The following TGM7 variants were observed in gnomAD, a reference collection of about 807,000 sequenced individuals.
The protein encoded by TGM7 is transglutaminase 7.
In TGM7, 74 loss-of-function variants were observed where a neutral mutation model predicts 79.5. That is an observed-to-expected ratio of 0.93 (90% CI 0.77 to 1.13). The LOEUF (loss-of-function observed/expected upper bound fraction) is 1.13, where lower values mean the gene tolerates loss of function less well. TGM7 is among the 50% of genes most tolerant of loss of function. The pLI is 0.00. For synonymous variants in TGM7, 354 were observed against 362.5 expected (o/e 0.98, Z 0.27); for missense variants, 912 against 905.9 (o/e 1.01, Z -0.09).
intron 1 of TGM7, chr15:43,302,005 G>A (rs898695569): frequency 5.2e-6 from 3 of 579,896 alleles, no homozygotes; most frequent in South Asian, 2.1e-5. Flanking sequence ...AGCCCCCCAG[G>A]TTTTAAAGAA....
intron 4 of TGM7, among the ~76,000 whole-genome samples, chr15:43,290,067 A>C (rs1328883076): frequency 1.3e-5 from 2 of 152,048 alleles, no homozygotes; most frequent in African/African-American, 2.4e-5. Flanking sequence ...TCTTTAGTTT[A>C]ATTAGATCCC....
chr15:43,282,086 C>T lies in TGM7; in HGVS notation c.1109G>A (p.Gly370Glu), dbSNP rs2042912520. 6 of 1,613,752 alleles carry T rather than the reference C, an allele frequency of 3.7e-6. No homozygotes were observed. Among genetic ancestry groups the T allele is most frequent in the Admixed American group, 1.7e-5 (1 of 60,006 alleles). ...AGAGGCAGGGCCACAGCAGAACAGCCCTGTGGAGGCAACAGGCTACTGATA... is the reference window on the plus strand; with the variant it reads ...AGAGGCAGGGCCACAGCAGAACAGCTCTGTGGAGGCAACAGGCTACTGATA... The part of the protein sequence containing the change: ...LDPTPQQTSS[G>E]LFCCGPASVK... Residue 370 changes from glycine to glutamate, a missense_variant and splice_region_variant, in exon 9 of 13, where the codon GGG becomes GAG. Transcript: ENST00000452443.
At position 43,278,099 on chromosome 15, in the gene TGM7, G is replaced by T. The variant is rs527973550; in HGVS notation, c.1839+1018C>A. The stretch of plus-strand genomic sequence containing the variant: ...AGCTGGCCCGACAGCCTGACAGTGT[G>T]CCTGGGTGAAAACCCTGGGGTAGGC... On this transcript the variant is annotated intron_variant, in intron 11 of 12. Transcript: ENST00000452443. Among the ~76,000 whole-genome samples the T allele has an allele frequency of 5.9e-5, 9 of 152,372 alleles. No homozygotes were observed. In the East Asian group the frequency reaches 1.5e-3, roughly 26 times the overall value.
At chr15:43,302,180 A>G in intron 1 of TGM7, 61 bp downstream of exon 1, 1 of 1,610,286 alleles carries the variant, frequency 6.2e-7, no homozygotes, top group Middle Eastern at 1.7e-4. Context: ...TACCCTCTCC[A>G]AACTTCTCCC....
Position 43,276,872 on chromosome 15 carries a change from TC to T in TGM7, c.1962del (p.Ile655Ter). The T allele has an allele frequency of 1.2e-6, 2 of 1,614,110 alleles. No homozygotes were observed. The highest frequency in any genetic ancestry group is 1.7e-6 in the Non-Finnish European group (2 of 1,179,998). Reference sequence around the variant, plus strand: ...AGAAGCGTCACTTACTCCTTTGCTATCTGCCCATTGATGAGGCCGCTTCCTT... The same window carrying T: ...AGAAGCGTCACTTACTCCTTTGCTATTGCCCATTGATGAGGCCGCTTCCTT... ...VLEGSGLING[Q>X]IAKDLGTLVA... On this transcript the variant is annotated frameshift_variant, in exon 12 of 13. Coordinates refer to ENST00000452443, the MANE Select transcript of TGM7 (RefSeq NM_052955.3). LOFTEE classifies it high-confidence loss of function.
intron 1 of TGM7, among the ~76,000 whole-genome samples, chr15:43,300,330 T>C (rs543430796): frequency 4.6e-5 from 7 of 152,254 alleles, no homozygotes; most frequent in Non-Finnish European, 1.0e-4. Flanking sequence ...AGGAAGATGA[T>C]AGGCAAAGTT....
At position 43,293,567 on chromosome 15, in the gene TGM7, C is replaced by T. The variant is rs1216764977; in HGVS notation, c.75G>A (p.Thr25=). ...QSSRNNKEHH[T]QEMGVKRLTV... ...TGAGCCGCTTGACGCCCATCTCCTG[C>T]GTGTGGTGCTCCTTGTTGTTCCTGG... Residue 25 remains threonine, a synonymous_variant, in exon 2 of 13, where the codon ACG becomes ACA. Coordinates refer to ENST00000452443, the MANE Select transcript of TGM7 (RefSeq NM_052955.3). The T allele has an allele frequency of 9.3e-6, 15 of 1,610,832 alleles. No individual in the cohort carries two copies. In the East Asian group the frequency reaches 1.3e-4, roughly 14 times the overall value.
intron 1 of TGM7, among the ~76,000 whole-genome samples, chr15:43,299,628 G>C (rs1167915707): frequency 6.6e-6 from 1 of 152,210 alleles, no homozygotes; most frequent in Non-Finnish European, 1.5e-5. Flanking sequence ...CAGCTGGCAT[G>C]GAGTTGGCAC....
At chr15:43,293,324 TG>T in intron 2 of TGM7, 124 bp downstream of exon 2, 3 of 1,275,784 alleles carry the variant, frequency 2.4e-6, no homozygotes, top group Non-Finnish European at 3.2e-6. Flanking sequence ...ATGAGGGGTC[TG>T]GGGCTCCCAG....
At position 43,284,813 on chromosome 15, in the gene TGM7, C is replaced by T. The variant is rs762405637; in HGVS notation, c.1004+1G>A. On this transcript the variant is annotated splice_donor_variant, in intron 7 of 12. Coordinates refer to ENST00000452443, the MANE Select transcript of TGM7 (RefSeq NM_052955.3). LOFTEE classifies it high-confidence loss of function. The stretch of plus-strand genomic sequence containing the variant: ...GATCTGTTCAAGACAGTGCCTCTCA[C>T]CATATTTTGTCTCGTTTCTGAGTTG... 1.2e-6 allele frequency: 2 copies of T among 1,614,172 alleles called. No homozygotes were observed. The highest frequency in any genetic ancestry group is 2.2e-5 in the East Asian group (1 of 44,878).
Position 43,279,870 on chromosome 15 carries a change from T to A in TGM7, c.1433A>T (p.Asp478Val). The A allele has an allele frequency of 2.5e-6, 4 of 1,614,154 alleles. No individual in the cohort carries two copies. The highest frequency in any genetic ancestry group is 2.5e-6 in the Non-Finnish European group (3 of 1,180,036). ...CCTAAGACCCCCAGACTCCAGGAGA[T>A]CCAGGAAGGGCAAAGAAGCTCTTTG... ...GPQRASLPFLDLLESGGLRDQ... is the reference protein window; with the variant it reads ...GPQRASLPFLVLLESGGLRDQ... Residue 478 changes from aspartate (D) to valine (V), a missense_variant, in exon 10 of 13, where the codon GAT becomes GTT. Coordinates refer to ENST00000452443, the MANE Select transcript of TGM7 (RefSeq NM_052955.3).
Position 43,293,442 on chromosome 15 carries a change from A to G in TGM7, c.193+7T>C. The G allele has an allele frequency of 6.3e-7, 1 of 1,593,374 alleles. No homozygotes were observed. The highest frequency in any genetic ancestry group is 8.6e-7 in the Non-Finnish European group (1 of 1,166,268). Reference sequence around the variant, plus strand: ...ACCTGCGGGGCCTTGGGACAGGGCAAACTCACCGGTCTCAGCCACAAAGGT... The same window carrying G: ...ACCTGCGGGGCCTTGGGACAGGGCAGACTCACCGGTCTCAGCCACAAAGGT... On this transcript the variant is annotated splice_region_variant and intron_variant, in intron 2 of 12. Coordinates refer to ENST00000452443, the MANE Select transcript of TGM7 (RefSeq NM_052955.3).
In TGM7 at chr15:43,279,612, G is replaced by T; in HGVS notation, c.1678+13C>A. On this transcript the variant is annotated intron_variant, in intron 10 of 12. Transcript: ENST00000452443. ...TCCCTGTAGGTGCCTTCTCAGGCCT[G>T]CCTCACACTCACCCTTCCCAAAGTC... The T allele has an allele frequency of 6.4e-7, 1 of 1,563,642 alleles. No homozygotes were observed.
At position 43,292,701 on chromosome 15, in the gene TGM7, C is replaced by T. The variant is rs115515221; in HGVS notation, c.439+8G>A. 2.2e-3 allele frequency: 3,605 copies of T among 1,613,794 alleles called. 30 individuals carry two copies. The highest frequency in any genetic ancestry group is 0.01 in the African/African-American group (787 of 75,062). On this transcript the variant is annotated splice_region_variant and intron_variant, in intron 3 of 12. Coordinates refer to ENST00000452443, the MANE Select transcript of TGM7 (RefSeq NM_052955.3). The stretch of plus-strand genomic sequence containing the variant: ...AGGTTAGCAATACAAGCTGTGGGCA[C>T]ATCCTACCTGGACTCCAAGGGTTAA...
chr15:43,276,673 A>G (rs2042879365), intron 12 of TGM7, 59 bp from the exon 13 acceptor site: 1 of 1,575,984 alleles, frequency 6.3e-7, no homozygotes, highest in Non-Finnish European at 8.6e-7. Flanking sequence ...GGCAGGGGTG[A>G]TCTGGTTCCC....
Position 43,287,444 on chromosome 15 carries a change from T to C in TGM7, c.701A>G (p.Asp234Gly), listed in dbSNP as rs769817603. ...GTTCCCCTGCAGCACGCCATTGTCA[T>C]CGTTGCTGTTGATCTGCAGAGGACA... The part of the protein sequence containing the change: ...RVVSAMINSN[D>G]DNGVLQGNWG... Residue 234 changes from aspartate (D) to glycine (G), a missense_variant, in exon 6 of 13, where the codon GAT becomes GGT. Transcript: ENST00000452443. 1.9e-6 allele frequency: 3 copies of C among 1,614,082 alleles called. No individual in the cohort carries two copies. Among genetic ancestry groups the C allele is most frequent in the Non-Finnish European group, 2.5e-6 (3 of 1,180,014 alleles).
chr15:43,300,976 TC>T (rs771819750), intron 1 of TGM7, among the ~76,000 whole-genome samples: 12 of 152,116 alleles, frequency 7.9e-5, no homozygotes, highest in Non-Finnish European at 1.8e-4. Context: ...CATTTATATC[TC>T]TATTTTTATT....
intron 1 of TGM7, among the ~76,000 whole-genome samples, chr15:43,294,061 C>T (rs1596464934): frequency 6.6e-6 from 1 of 152,008 alleles, no homozygotes; most frequent in African/African-American, 2.4e-5. Context: ...CCTGAAGTGC[C>T]GCTGCATGCT....
intron 9 of TGM7, among the ~76,000 whole-genome samples, chr15:43,280,549 G>A (rs1208034489): frequency 6.6e-6 from 1 of 152,146 alleles, no homozygotes; most frequent in Admixed American, 6.5e-5. Flanking sequence ...CTTGAACCCA[G>A]GAGGTGGAGG....
Sources: allele counts gnomAD v4.1 joint callset (sites outside exome capture counted in the v4.1 genomes callset), GRCh38; gene constraint gnomAD v4.1.1; transcripts MANE v1.5; gene names NCBI Gene and HGNC (gene_info 2026-07-23, HGNC 2026-07-21).